GABRD: variants seen among roughly 807,000 people sequenced by gnomAD.
GABRD encodes gamma-aminobutyric acid receptor subunit delta.
GABRD carries 25 observed loss-of-function variants against 47.3 expected under a neutral mutation model. The observed-to-expected ratio is 0.53, with a 90% CI of 0.39 to 0.74. The LOEUF (loss-of-function observed/expected upper bound fraction) is 0.74, where lower values mean the gene tolerates loss of function less well. Among genes scored for constraint, GABRD ranks in the 30% least tolerant of loss-of-function variants. The pLI is 0.00. For synonymous variants in GABRD, 314 were observed against 278.8 expected (o/e 1.13, Z -1.26); for missense variants, 497 against 643.4 (o/e 0.77, Z 2.46).
At chr1:2,023,769 CT>C (rs1445930348) in intron 1 of GABRD, 1 of 152,266 alleles carries the variant, frequency 6.6e-6, no homozygotes, top group Non-Finnish European at 1.5e-5. Context: ...GGCCCCACCC[CT>C]GGGACCAATC....
chr1:2,026,986 T>C, intron 4 of GABRD: 1 of 167,890 alleles, frequency 6.0e-6, no homozygotes, highest in South Asian at 1.4e-4. Flanking sequence ...AGATCCTGCC[T>C]CTACAAAAAT....
In GABRD at chr1:2,029,988, C is replaced by G. The variant is rs1031482653; in HGVS notation, c.1065C>G (p.Asp355Glu). 1.9e-6 allele frequency: 3 copies of G among 1,612,630 alleles called. No individual in the cohort carries two copies. Among genetic ancestry groups the G allele is most frequent in the Non-Finnish European group, 2.5e-6 (3 of 1,179,838 alleles). ...VKVSRPRAEM[D>E]VRNAIVLFSL... The stretch of plus-strand genomic sequence containing the variant: ...CCCCACCGGCCTTCGTGCAGATGGA[C>G]GTGAGGAACGCCATTGTCCTCTTCT... Residue 355 changes from aspartate (D) to glutamate (E), a missense_variant, in exon 9 of 9, where the codon GAC (aspartate) becomes GAG (glutamate). Coordinates refer to ENST00000378585, the MANE Select transcript of GABRD (RefSeq NM_000815.5).
rs529514302 is a variant in GABRD at position 2,022,025 on chromosome 1, G to C, written c.68+2534G>C. Among the ~76,000 whole-genome samples, 289 of 152,290 alleles carry C rather than the reference G, an allele frequency of 1.9e-3. 1 individual carries two copies. Among genetic ancestry groups the C allele is most frequent in the Middle Eastern group, 6.8e-3 (2 of 294 alleles). On this transcript the variant is annotated intron_variant, in intron 1 of 8. Coordinates refer to ENST00000378585, the MANE Select transcript of GABRD (RefSeq NM_000815.5). ...CTTCATGGTGCCCACTCTGCCCCCT[G>C]AGTTTGGAGTCCTAAATCTGAGTGT...
At position 2,028,985 on chromosome 1, in the gene GABRD, C is replaced by T; in HGVS notation, c.692-126C>T. The T allele has an allele frequency of 8.3e-7, 1 of 1,204,220 alleles. No homozygotes were observed. Among genetic ancestry groups the T allele is most frequent in the Non-Finnish European group, 1.1e-6 (1 of 872,510 alleles). The allele number at this position is 1,204,220 out of a possible 1,614,324, so 74.6% of individuals were successfully genotyped here. On this transcript the variant is annotated intron_variant, in intron 6 of 8. Coordinates refer to ENST00000378585, the MANE Select transcript of GABRD (RefSeq NM_000815.5). This position sits in a 1 kb window ranked among gnomAD's most constrained non-coding sequence, Gnocchi z 6.4. ...CAGGCCATGTGGTTGGTGGGGAGGG[C>T]AGGGGTCTAAGTCTCTCTTCTGAGC...
chr1:2,020,835 G>T (rs111355891), intron 1 of GABRD, among the ~76,000 whole-genome samples: 3 of 152,220 alleles, frequency 2.0e-5, no homozygotes, highest in Non-Finnish European at 4.4e-5. Context: ...AGCAAGTCCC[G>T]TCCCGCATGG....
At chr1:2,029,528 AT>A in intron 7 of GABRD, 22 bp from the exon 8 acceptor site, 1 of 1,610,514 alleles carries the variant, frequency 6.2e-7, no homozygotes, top group Non-Finnish European at 8.5e-7. Flanking sequence ...GGCTACGACA[AT>A]GGCACCACCT....
intron 2 of GABRD, 122 bp downstream of exon 2, chr1:2,025,176 G>A: frequency 8.0e-7 from 1 of 1,250,506 alleles, no homozygotes; most frequent in East Asian, 2.4e-5. Context: ...CCCCTGGGGG[G>A]CTCCATCAGA....
At position 2,029,588 on chromosome 1, in the gene GABRD, C is replaced by A; in HGVS notation, c.885C>A (p.Val295=). 1.2e-6 allele frequency: 2 copies of A among 1,613,074 alleles called. No homozygotes were observed. Among genetic ancestry groups the A allele is most frequent in the South Asian group, 2.2e-5 (2 of 91,066 alleles). ...TTVLTMTTLM[V]SARSSLPRAS... ...TGCTGACGATGACCACGCTCATGGT[C>A]AGTGCCCGCTCCTCCCTGCCACGGG... Residue 295 remains valine, a synonymous_variant, in exon 8 of 9, where the codon GTC becomes GTA. Coordinates refer to ENST00000378585, the MANE Select transcript of GABRD (RefSeq NM_000815.5).
At chr1:2,019,875 T>A (rs1034420494) in intron 1 of GABRD, among the ~76,000 whole-genome samples, 5 of 152,142 alleles carry the variant, frequency 3.3e-5, no homozygotes, top group Non-Finnish European at 7.4e-5. Flanking sequence ...AGGAAAGACC[T>A]GAGAACTCGG....
chr1:2,019,419 C>T lies in GABRD; in HGVS notation c.-5C>T. ...CGCGGACCCCGTCCCGAGCCCGCCG[C>T]GGCCATGGACGCGCCCGCCCGGCTG... On this transcript the variant is annotated 5_prime_UTR_variant, in exon 1 of 9. Coordinates refer to ENST00000378585, the MANE Select transcript of GABRD (RefSeq NM_000815.5). 9.3e-7 allele frequency: 1 copy of T among 1,077,808 alleles called. No homozygotes were observed. The highest frequency in any genetic ancestry group is 1.1e-6 in the Non-Finnish European group (1 of 891,452). 66.8% of individuals were successfully genotyped at this position (1,077,808 alleles called of 1,614,324 possible).
intron 1 of GABRD, among the ~76,000 whole-genome samples, chr1:2,019,914 A>AGCCGTTC (rs1658729976): frequency 6.6e-6 from 1 of 151,820 alleles, no homozygotes; most frequent in Admixed American, 6.6e-5. Flanking sequence ...TTTGCGGGGG[A>AGCCGTTC]GCCGTTCCCC....
chr1:2,029,789 C>T (rs746924719), intron 8 of GABRD, 27 bp downstream of exon 8: 1 of 1,597,674 alleles, frequency 6.3e-7, no homozygotes, highest in South Asian at 1.1e-5. Flanking sequence ...GAGCCAGGGA[C>T]AGCACTGCTG....
chr1:2,020,560 G>A (rs984721162), intron 1 of GABRD, among the ~76,000 whole-genome samples: 3 of 152,188 alleles, frequency 2.0e-5, no homozygotes, highest in Non-Finnish European at 2.9e-5. Context: ...CCGCGGGGTC[G>A]GCACTGCCCC....
intron 4 of GABRD, chr1:2,027,194 A>C (rs1211091624): frequency 8.9e-6 from 3 of 336,170 alleles, no homozygotes; most frequent in Non-Finnish European, 1.1e-5. Context: ...GATATTTTAC[A>C]TAGGAATTTA....
chr1:2,023,809 G>C (rs1193189838), intron 1 of GABRD: 1 of 152,250 alleles, frequency 6.6e-6, no homozygotes, highest in African/African-American at 2.4e-5. Context: ...GGACAGGTAT[G>C]ACAATCACCA....
At chr1:2,021,464 T>A (rs533379848) in intron 1 of GABRD, among the ~76,000 whole-genome samples, 1 of 152,304 alleles carries the variant, frequency 6.6e-6, no homozygotes, top group East Asian at 1.9e-4. Context: ...CTCGGGGTCC[T>A]TGTCCTGGAG....
In GABRD at chr1:2,019,398, G is replaced by A. The variant is rs1405842633; in HGVS notation, c.-26G>A. On this transcript the variant is annotated 5_prime_UTR_variant, in exon 1 of 9. Coordinates refer to ENST00000378585, the MANE Select transcript of GABRD (RefSeq NM_000815.5). ...GGCCGCCGGGAGCCAAGTTTGCGCG[G>A]ACCCCGTCCCGAGCCCGCCGCGGCC... The A allele has an allele frequency of 1.9e-6, 2 of 1,047,232 alleles. No homozygotes were observed. The highest frequency in any genetic ancestry group is 2.3e-6 in the Non-Finnish European group (2 of 871,740). 64.9% of individuals were successfully genotyped at this position (1,047,232 alleles called of 1,614,324 possible).
chr1:2,027,622 C>T lies in GABRD; in HGVS notation c.516C>T (p.Pro172=), dbSNP rs749499871. 1.2e-6 allele frequency: 2 copies of T among 1,613,794 alleles called. No individual in the cohort carries two copies. Among genetic ancestry groups the T allele is most frequent in the Admixed American group, 1.7e-5 (1 of 59,992 alleles). ...GCGACATGGACCTGGCCAAATACCC[C>T]ATGGACGAGCAGGAGTGCATGCTGG... ...VACDMDLAKY[P]MDEQECMLDL... The change falls in exon 5 of 9, where the codon CCC becomes CCT. Residue 172 remains proline (P), a synonymous_variant. Transcript: ENST00000378585.
Position 2,029,607 on chromosome 1 carries a change from C to A in GABRD, c.904C>A (p.Pro302Thr). The A allele has an allele frequency of 6.2e-7, 1 of 1,613,212 alleles. No homozygotes were observed. The highest frequency in any genetic ancestry group is 8.5e-7 in the Non-Finnish European group (1 of 1,179,974). ...TLMVSARSSL[P>T]RASAIKALDV... is the part of the protein sequence containing the mutation. ...CATGGTCAGTGCCCGCTCCTCCCTGCCACGGGCATCAGCCATCAAGGCACT... is the reference window on the plus strand; with the variant it reads ...CATGGTCAGTGCCCGCTCCTCCCTGACACGGGCATCAGCCATCAAGGCACT... Residue 302 changes from proline to threonine, a missense_variant, in exon 8 of 9, where the codon CCA (proline) becomes ACA (threonine). By Grantham distance (38) the Pro-to-Thr change is conservative. Transcript: ENST00000378585.
Sources: gnomAD v4.1 joint callset for allele counts (sites outside exome capture counted in the v4.1 genomes callset) on GRCh38, gnomAD v4.1.1 for gene constraint, Gnocchi (gnomAD v3.1) non-coding constraint, MANE v1.5 for transcripts, NCBI Gene and HGNC (gene_info 2026-07-23, HGNC 2026-07-21) for gene names.